The following ABCC2 variants were observed in gnomAD, a reference collection of about 807,000 sequenced individuals.
The protein encoded by ABCC2 is ATP-binding cassette sub-family C member 2.
ABCC2 carries 157 observed loss-of-function variants against 173.4 expected under a neutral mutation model. The observed-to-expected ratio is 0.91, with a 90% CI of 0.80 to 1.03. The LOEUF (loss-of-function observed/expected upper bound fraction) is 1.03. ABCC2 is among the 50% of genes least tolerant of loss of function. The probability of loss-of-function intolerance (pLI) is 0.00; values close to 1 mark genes in which losing one functional copy is unlikely to be tolerated. For synonymous variants in ABCC2, 657 were observed against 693.5 expected, an observed-to-expected ratio of 0.95 and a Z score of 0.83; for missense variants, 1,822 against 1,852.3, an observed-to-expected ratio of 0.98 and a Z score of 0.30.
chr10:99,843,684 G>A (rs978977599), intron 26 of ABCC2, 115 bp from the exon 27 acceptor site: 3 of 875,808 alleles, frequency 3.4e-6, no homozygotes, highest in African/African-American at 3.3e-5. Context: ...TTACTCCCTT[G>A]TAGAGTCCAG....
intron 17 of ABCC2, 124 bp from the exon 18 acceptor site, chr10:99,818,666 T>A (rs1662564943): frequency 1.1e-6 from 1 of 940,254 alleles, no homozygotes; most frequent in African/African-American, 1.7e-5. Flanking sequence ...ATAAAGGAAC[T>A]TGTAAGATTT....
chr10:99,813,576 G>A (rs1159503148), intron 16 of ABCC2, among the ~76,000 whole-genome samples: 1 of 152,120 alleles, frequency 6.6e-6, no homozygotes, highest in East Asian at 1.9e-4. Flanking sequence ...TTAGCCGGGT[G>A]TGGTGGCATG....
At position 99,830,302 on chromosome 10, in the gene ABCC2, C is replaced by T; in HGVS notation, c.2621-5C>T. The T allele has an allele frequency of 6.2e-7, 1 of 1,614,116 alleles. No individual in the cohort carries two copies. Among genetic ancestry groups the T allele is most frequent in the South Asian group, 1.1e-5 (1 of 91,082 alleles). On this transcript the variant is annotated splice_region_variant and splice_polypyrimidine_tract_variant and intron_variant, in intron 19 of 31. Transcript: ENST00000647814. ...CTTTCCCTAACCTCTACTGTGTCTC[C>T]CTAGTCCATGATGGCAGTGAAGAAG...
chr10:99,823,085 A>G (rs1298770860), intron 19 of ABCC2, among the ~76,000 whole-genome samples: 2 of 152,310 alleles, frequency 1.3e-5, no homozygotes, highest in East Asian at 3.9e-4. Context: ...ATGAAGGTAC[A>G]TGCGTGACAT....
At chr10:99,850,339 C>G (rs578217618) in intron 30 of ABCC2, among the ~76,000 whole-genome samples, 1 of 152,318 alleles carries the variant, frequency 6.6e-6, no homozygotes, top group African/African-American at 2.4e-5. Flanking sequence ...TTCCTAGGCT[C>G]CTGCCCGCTC....
intron 5 of ABCC2, 72 bp from the exon 6 acceptor site, chr10:99,794,341 T>A: frequency 7.5e-7 from 1 of 1,328,024 alleles, no homozygotes. Context: ...AAAAAATCAG[T>A]TTCTGATTTT....
intron 27 of ABCC2, 115 bp downstream of exon 27, chr10:99,844,015 G>A: frequency 6.2e-6 from 6 of 969,960 alleles, no homozygotes; most frequent in Non-Finnish European, 1.0e-5. Flanking sequence ...GGTCCCTAAA[G>A]TTTCCTTTCC....
rs1198723210 is a variant in ABCC2, at chr10:99,817,361, GGAC to G, written c.2149_2151del (p.Asp717del). On this transcript the variant is annotated inframe_deletion, in exon 17 of 32. Transcript: ENST00000647814. Reference sequence around the variant, plus strand: ...CCTGGATTCAGAATGGCACCATAAAGGACAACATCCTTTTTGGAACAGAGTTTA... The same window carrying G: ...CCTGGATTCAGAATGGCACCATAAAGAACATCCTTTTTGGAACAGAGTTTA... The G allele has an allele frequency of 1.2e-6, 2 of 1,614,140 alleles. No individual in the cohort carries two copies. The highest frequency in any genetic ancestry group is 8.5e-7 in the Non-Finnish European group (1 of 1,180,030).
chr10:99,845,016 T>C (rs965481512), intron 28 of ABCC2, among the ~76,000 whole-genome samples: 2 of 152,180 alleles, frequency 1.3e-5, no homozygotes, highest in Admixed American at 1.3e-4. Flanking sequence ...TTTTCTTTTT[T>C]CTTTATTTTT....
At chr10:99,814,336 T>C (rs1328950794) in intron 16 of ABCC2, among the ~76,000 whole-genome samples, 1 of 135,218 alleles carries the variant, frequency 7.4e-6, no homozygotes, top group Non-Finnish European at 1.6e-5. Context: ...TATACACACA[T>C]GTATATATAC....
At position 99,830,427 on chromosome 10, in the gene ABCC2, G is replaced by A; in HGVS notation, c.2741G>A (p.Ser914Asn). 1.9e-6 allele frequency: 3 copies of A among 1,614,190 alleles called. No homozygotes were observed. The highest frequency in any genetic ancestry group is 1.6e-4 in the Middle Eastern group (1 of 6,062). The change falls in exon 20 of 32, where the codon AGC becomes AAC. Residue 914 changes from serine (S) to asparagine (N), a missense_variant. By Grantham distance (46) the Ser-to-Asn change is conservative. Transcript: ENST00000647814. ...RRENSFRRTL[S>N]RSSRSNGRHL... is the part of the protein sequence containing the mutation. ...GAGAACAGCTTTCGTCGAACACTTA[G>A]CCGCAGGTTGGCTATCTATTCAGCT... is the stretch of plus-strand genomic sequence containing the variant.
chr10:99,784,893 T>C lies in ABCC2; in HGVS notation c.207+112T>C, dbSNP rs568738449. ...CTTTAAGCAGCTGTCCCAGGTGCCATTGTCTCAGGTAGAGCCAGGCTCAAG... is the reference window on the plus strand; with the variant it reads ...CTTTAAGCAGCTGTCCCAGGTGCCACTGTCTCAGGTAGAGCCAGGCTCAAG... On this transcript the variant is annotated intron_variant, in intron 2 of 31. Transcript: ENST00000647814. 3.7e-6 allele frequency: 5 copies of C among 1,343,262 alleles called. No homozygotes were observed. The South Asian group carries it at 4.8e-5, about 13-fold the overall frequency. 83.2% of individuals were successfully genotyped at this position (1,343,262 alleles called of 1,614,324 possible).
intron 23 of ABCC2, among the ~76,000 whole-genome samples, chr10:99,833,776 A>G (rs7901067): frequency 6.6e-6 from 1 of 152,214 alleles, no homozygotes; most frequent in Non-Finnish European, 1.5e-5. Flanking sequence ...TGGTACTCAC[A>G]TATTACCAAT....
intron 16 of ABCC2, among the ~76,000 whole-genome samples, chr10:99,816,849 G>A (rs2038425999): frequency 6.6e-6 from 1 of 152,060 alleles, no homozygotes; most frequent in African/African-American, 2.4e-5. Context: ...ATCTGAGGTG[G>A]AACAGTTTCA....
At chr10:99,806,077 CTG>C (rs10559742) in intron 11 of ABCC2, among the ~76,000 whole-genome samples, 2,940 of 148,080 alleles carry the variant, frequency 0.02, 41 homozygotes, top group East Asian at 0.044. Flanking sequence ...CTCTCTCTGT[CTG>C]TGTGTGTGTG....
Position 99,803,971 on chromosome 10 carries a change from G to C in ABCC2, c.1210-48G>C, listed in dbSNP as rs1304110213. ...CCTGAGCTTCCTCTTCTACTCCCTA[G>C]TATCCTTGGCTTTGTCCATGGGTCC... is the stretch of plus-strand genomic sequence containing the variant. On this transcript the variant is annotated intron_variant, in intron 9 of 31. Transcript: ENST00000647814. 1.9e-6 allele frequency: 3 copies of C among 1,612,834 alleles called. No individual in the cohort carries two copies. In the South Asian group the frequency reaches 3.3e-5, roughly 18 times the overall value.
Position 99,807,485 on chromosome 10 carries a change from T to C in ABCC2, c.1632T>C (p.Cys544=), listed in dbSNP as rs1430715341. Residue 544 remains cysteine, a synonymous_variant, in exon 12 of 32, where the codon TGT becomes TGC. Coordinates refer to ENST00000647814, the MANE Select transcript of ABCC2 (RefSeq NM_000392.5). ...TGCTGGCCTTTAGTCAACTACAGTG[T>C]GTAGTAATATTCGTCTTCCAGTTAA... ...KNLLAFSQLQ[C]VVIFVFQLTP... is the part of the protein sequence containing the mutation. 4 of 1,613,972 alleles carry C rather than the reference T, an allele frequency of 2.5e-6. No individual in the cohort carries two copies. The South Asian group carries it at 4.4e-5, about 18-fold the overall frequency.
chr10:99,784,831 G>C (rs768095827), intron 2 of ABCC2, 50 bp downstream of exon 2: 10 of 1,599,928 alleles, frequency 6.3e-6, no homozygotes, highest in South Asian at 5.5e-5. Context: ...GTGCACAGTA[G>C]AGACATTTTC....
intron 19 of ABCC2, among the ~76,000 whole-genome samples, chr10:99,821,431 G>A (rs1472310361): frequency 2.0e-5 from 3 of 152,090 alleles, no homozygotes; most frequent in Admixed American, 6.5e-5. Flanking sequence ...CTTCCCACGA[G>A]GCCATATTTC....
Sources: gnomAD v4.1 joint callset for allele counts (sites outside exome capture counted in the v4.1 genomes callset) on GRCh38, gnomAD v4.1.1 for gene constraint, MANE v1.5 for transcripts, NCBI Gene and HGNC (gene_info 2026-07-23, HGNC 2026-07-21) for gene names.